Variants in ADGRD2 observed in about 807,000 individuals in gnomAD.
ADGRD2 encodes the protein adhesion G protein-coupled receptor D2.
ADGRD2 carries 71 observed loss-of-function variants against 44.4 expected under a neutral mutation model. The ratio of observed to expected loss-of-function variants is 1.60; its 90% confidence interval spans 1.32 to 1.95. The LOEUF (loss-of-function observed/expected upper bound fraction) is 1.95. ADGRD2 is among the 30% of genes most tolerant of loss of function. ADGRD2 has a pLI of 0.00. For synonymous variants in ADGRD2, 481 were observed against 224.8 expected (o/e 2.14, Z -10.19); for missense variants, 1,039 against 512.4 (o/e 2.03, Z -9.92).
chr9:124,464,859 A>G (rs982142278), intron 10 of ADGRD2, among the ~76,000 whole-genome samples: 1 of 152,172 alleles, frequency 6.6e-6, no homozygotes, highest in African/African-American at 2.4e-5. Context: ...AATTTTTCAC[A>G]TAAATGGGCT....
intron 17 of ADGRD2, among the ~76,000 whole-genome samples, chr9:124,471,286 T>C (rs926264989): frequency 6.6e-6 from 1 of 152,054 alleles, no homozygotes; most frequent in Non-Finnish European, 1.5e-5. Context: ...CACCTCTCCC[T>C]GTCACCTGCA....
intron 19 of ADGRD2, 82 bp from the exon 23 acceptor site, chr9:124,476,275 T>C: frequency 3.1e-6 from 2 of 638,184 alleles, no homozygotes; most frequent in African/African-American, 1.8e-5. Context: ...TATTTGATCC[T>C]GAGGGCCCCA....
At position 124,454,405 on chromosome 9, in the gene ADGRD2, G is replaced by C. The variant is rs1219554585; in HGVS notation, c.1023-79G>C. On this transcript the variant is annotated intron_variant, in intron 4 of 21. Transcript: ENST00000334810. This position sits in a 1 kb window ranked among gnomAD's most constrained non-coding sequence, Gnocchi z 4.5. ...TTCCTTCCCTGGGCAGCACGTGGTG[G>C]GTGGAGGTCACTGAACAGGCTGGCA... The C allele has an allele frequency of 1.5e-6, 1 of 672,250 alleles. No homozygotes were observed. Among genetic ancestry groups the C allele is most frequent in the Non-Finnish European group, 2.8e-6 (1 of 357,176 alleles). The allele number at this position is 672,250 out of a possible 1,614,324, so 41.6% of individuals were successfully genotyped here. A position where few individuals can be genotyped will look rare whatever the true frequency, so the allele number is the denominator to read the frequency against.
intron 21 of ADGRD2, among the ~76,000 whole-genome samples, chr9:124,477,987 G>A (rs1358888455): frequency 6.7e-6 from 1 of 150,206 alleles, no homozygotes; most frequent in African/African-American, 2.4e-5. Context: ...CCGGCTCTCC[G>A]GACGCCCCCG....
Position 124,454,019 on chromosome 9 carries a change from A to G in ADGRD2, c.946A>G (p.Thr316Ala). The change falls in exon 4 of 22, where the codon ACG becomes GCG. Residue 316 changes from threonine (T) to alanine (A), a missense_variant. Thr to Ala is a moderately conservative substitution (Grantham distance 58, BLOSUM62 0). Coordinates refer to ENST00000334810, the Ensembl canonical transcript of ADGRD2. The surrounding 1 kb of genome is among the most constrained non-coding windows in gnomAD (Gnocchi z 4.5). ...GCCAGTGCCCTCCGAGGAGTGCCCT[A>G]CGTGGAACCCGGGACCTCGCAGTGA... 1.4e-6 allele frequency: 1 copy of G among 709,888 alleles called. No individual in the cohort carries two copies. The highest frequency in any genetic ancestry group is 2.6e-6 in the Non-Finnish European group (1 of 382,196). The allele number at this position is 709,888 out of a possible 1,614,324, so 44.0% of individuals were successfully genotyped here. A position where few individuals can be genotyped will look rare whatever the true frequency, so the allele number is the denominator to read the frequency against.
intron 10 of ADGRD2, among the ~76,000 whole-genome samples, chr9:124,459,208 A>G (rs1199005068): frequency 6.6e-6 from 1 of 152,198 alleles, no homozygotes; most frequent in Non-Finnish European, 1.5e-5. Context: ...AATGTTTTGT[A>G]GGTCCGGGCA....
chr9:124,455,451 C>A (rs141902950), intron 6 of ADGRD2, among the ~76,000 whole-genome samples: 2,541 of 152,102 alleles, frequency 0.017, 52 homozygotes, highest in African/African-American at 0.052. Context: ...TTAGCCAGGC[C>A]TGGTAGCGGG....
chr9:124,457,934 T>C (rs529684784), intron 8 of ADGRD2, among the ~76,000 whole-genome samples, 179 bp from the exon 12 acceptor site: 192 of 152,310 alleles, frequency 1.3e-3, no homozygotes, highest in African/African-American at 4.5e-3. Flanking sequence ...ACATGGACTG[T>C]GGCTGCTTGG....
At chr9:124,467,437 C>T (rs537603780) in intron 11 of ADGRD2, 24 of 427,512 alleles carry the variant, frequency 5.6e-5, no homozygotes, top group Non-Finnish European at 7.2e-5. Flanking sequence ...CCATGGTCCC[C>T]GGGATCCCTC....
chr9:124,460,642 C>T (rs1367969096), intron 10 of ADGRD2, among the ~76,000 whole-genome samples: 1 of 151,652 alleles, frequency 6.6e-6, no homozygotes, highest in Non-Finnish European at 1.5e-5. Flanking sequence ...TAGCTCATTC[C>T]TTTTTCACTG....
rs749872013 is a variant in ADGRD2, at chr9:124,460,200, A to AT, written c.1870+1498dup. 8.8e-3 allele frequency among the ~76,000 whole-genome samples: 1,130 copies of AT among 128,434 alleles called. 18 individuals are homozygous for AT. Among genetic ancestry groups the AT allele is most frequent in the East Asian group, 0.026 (114 of 4,456 alleles). 84.3% of individuals were successfully genotyped at this position (128,434 alleles called of 152,430 possible). A position where few individuals can be genotyped will look rare whatever the true frequency, so the allele number is the denominator to read the frequency against. On this transcript the variant is annotated intron_variant, in intron 10 of 21. Coordinates refer to ENST00000334810, the Ensembl canonical transcript of ADGRD2. The stretch of plus-strand genomic sequence containing the variant: ...GATGTGGAAAAGCGTCCACGCTCTG[A>AT]TTTTTTTTTTTTTTTTTTTGAGACT...
At chr9:124,450,563 C>T (rs1203061612), upstream of ADGRD2, among the ~76,000 whole-genome samples, 1 of 152,214 alleles carries the variant, frequency 6.6e-6, no homozygotes, top group Non-Finnish European at 1.5e-5. Flanking sequence ...AAGGGGAGGC[C>T]CCTGACTCAG....
chr9:124,456,928 G>A (rs1831628870), intron 7 of ADGRD2, among the ~76,000 whole-genome samples, 195 bp downstream of exon 10: 2 of 152,164 alleles, frequency 1.3e-5, no homozygotes, highest in Admixed American at 1.3e-4. Flanking sequence ...AACCCTGTGT[G>A]GGCCTCACTC....
intron 17 of ADGRD2, among the ~76,000 whole-genome samples, chr9:124,475,160 C>A (rs1167633375): frequency 6.6e-6 from 1 of 152,246 alleles, no homozygotes; most frequent in Non-Finnish European, 1.5e-5. Context: ...ACAGGCCCAG[C>A]GTGGGGCACA....
At chr9:124,470,337 T>A (rs545596624) in intron 16 of ADGRD2, among the ~76,000 whole-genome samples, 157 bp from the exon 20 acceptor site, 1 of 152,278 alleles carries the variant, frequency 6.6e-6, no homozygotes, top group Admixed American at 6.5e-5. Context: ...CAAAGTCCAG[T>A]CAAAGGTTCT....
In ADGRD2 at chr9:124,462,489, C is replaced by G. The variant is rs545035556; in HGVS notation, c.1870+3768C>G. On this transcript the variant is annotated intron_variant, in intron 10 of 21. Transcript: ENST00000334810. Reference sequence around the variant, plus strand: ...AGTATTTTCATTAACATCGCATTGACTGTGTATATCAATTTGGGAGAACTG... The same window carrying G: ...AGTATTTTCATTAACATCGCATTGAGTGTGTATATCAATTTGGGAGAACTG... Among the ~76,000 whole-genome samples the G allele has an allele frequency of 3.9e-5, 6 of 152,304 alleles. No homozygotes were observed. The East Asian group carries it at 1.2e-3, about 29-fold the overall frequency.
chr9:124,454,570 G>C lies in ADGRD2; in HGVS notation c.1108+1G>C. The C allele has an allele frequency of 1.4e-6, 1 of 715,724 alleles. No individual in the cohort carries two copies. The highest frequency in any genetic ancestry group is 1.5e-5 in the South Asian group (1 of 67,540). 44.3% of individuals were successfully genotyped at this position (715,724 alleles called of 1,614,324 possible). ...CAATGCCTTGGCCAACGACATTGTG[G>C]TGAGCTCCCTCTCAGGGGCTGGAAA... On this transcript the variant is annotated splice_donor_variant, in intron 5 of 21. Coordinates refer to ENST00000334810, the Ensembl canonical transcript of ADGRD2. LOFTEE classifies it high-confidence loss of function. This position sits in a 1 kb window ranked among gnomAD's most constrained non-coding sequence, Gnocchi z 4.5.
intron 21 of ADGRD2, among the ~76,000 whole-genome samples, chr9:124,477,777 G>C (rs1461558786): frequency 6.6e-6 from 1 of 151,374 alleles, no homozygotes; most frequent in Non-Finnish European, 1.5e-5. Flanking sequence ...CCGCCCAGGC[G>C]CCCCCCGGGG....
chr9:124,457,043 T>C (rs925421696), intron 7 of ADGRD2, among the ~76,000 whole-genome samples: 6 of 152,242 alleles, frequency 3.9e-5, no homozygotes, highest in Non-Finnish European at 7.3e-5. Context: ...GCATTTCTGG[T>C]AATTACATAA....
Sources: allele counts gnomAD v4.1 joint callset (sites outside exome capture counted in the v4.1 genomes callset), GRCh38; gene constraint gnomAD v4.1.1; non-coding constraint Gnocchi (gnomAD v3.1); transcripts MANE v1.5; gene names NCBI Gene and HGNC (gene_info 2026-07-23, HGNC 2026-07-21).